ADARB2: variants seen among roughly 807,000 people sequenced by gnomAD.
ADARB2 encodes adenosine deaminase RNA specific B2 (inactive), also known as inactive double-stranded RNA-specific editase B2.
Under a neutral mutation model 62.2 loss-of-function variants are expected in ADARB2, and 25 were observed. The observed-to-expected ratio is 0.40, with a 90% CI of 0.29 to 0.56. ADARB2 has a LOEUF of 0.56. Among genes scored for constraint, ADARB2 ranks in the 20% least tolerant of loss-of-function variants. ADARB2 has a pLI of 0.43. For missense variants in ADARB2, 1,071 were observed against 1,077.4 expected, an observed-to-expected ratio of 0.99 and a Z score of 0.08; for synonymous variants, 572 against 500.8, an observed-to-expected ratio of 1.14 and a Z score of -1.90.
intron 1 of ADARB2, among the ~76,000 whole-genome samples, chr10:1,603,569 C>T (rs949130771): frequency 9.2e-5 from 14 of 152,020 alleles, no homozygotes; most frequent in Admixed American, 3.3e-4. Flanking sequence ...CGAGAGAGCA[C>T]GAGGTGCCCA....
intron 1 of ADARB2, among the ~76,000 whole-genome samples, chr10:1,415,946 AC>A (rs1832797873): frequency 6.6e-6 from 1 of 152,116 alleles, no homozygotes; most frequent in Non-Finnish European, 1.5e-5. Flanking sequence ...TGATTCTACC[AC>A]TCACCAGCCG....
At chr10:1,377,954 T>TCC (rs746353369) in intron 2 of ADARB2, among the ~76,000 whole-genome samples, 1 of 152,160 alleles carries the variant, frequency 6.6e-6, no homozygotes, top group Non-Finnish European at 1.5e-5. Context: ...TGCAGACCCC[T>TCC]CCCACTGCCT....
intron 3 of ADARB2, among the ~76,000 whole-genome samples, chr10:1,278,679 A>T (rs1039783337): frequency 6.6e-6 from 1 of 151,252 alleles, no homozygotes; most frequent in Non-Finnish European, 1.5e-5. Flanking sequence ...ACTCCTTCCT[A>T]GGCCCGAAAG....
At chr10:1,566,130 T>C (rs1346812365) in intron 1 of ADARB2, among the ~76,000 whole-genome samples, 1 of 145,974 alleles carries the variant, frequency 6.9e-6, no homozygotes, top group Non-Finnish European at 1.5e-5. Flanking sequence ...GTACAGTGAG[T>C]GTGTGTGTAT....
intron 1 of ADARB2, among the ~76,000 whole-genome samples, chr10:1,626,015 G>GACGCTAA (rs1833762740): frequency 7.5e-6 from 1 of 133,622 alleles, no homozygotes; most frequent in African/African-American, 2.9e-5. Context: ...CTGGACCTCA[G>GACGCTAA]CTCCTGCATG....
intron 1 of ADARB2, among the ~76,000 whole-genome samples, chr10:1,480,757 T>C (rs958584821): frequency 3.6e-4 from 55 of 151,628 alleles, no homozygotes; most frequent in Middle Eastern, 3.4e-3. Context: ...TACTTAGGGA[T>C]AAACTTAACC....
intron 6 of ADARB2, among the ~76,000 whole-genome samples, chr10:1,227,658 G>A (rs768540364): frequency 1.3e-5 from 2 of 152,118 alleles, no homozygotes. Flanking sequence ...ACAACAAGAG[G>A]TTTGTCCCCT....
chr10:1,471,776 A>G lies in ADARB2; in HGVS notation c.101-92616T>C, dbSNP rs78359951. 2.2e-3 allele frequency among the ~76,000 whole-genome samples: 342 copies of G among 152,200 alleles called. 8 individuals carry two copies. In the East Asian group the frequency reaches 0.04, roughly 18 times the overall value. On this transcript the variant is annotated intron_variant, in intron 1 of 9. Coordinates refer to ENST00000381312, the MANE Select transcript of ADARB2 (RefSeq NM_018702.4). Reference sequence around the variant, plus strand: ...GAAATACTTTTGCATCCTAATTCTGATATTTGCTACTTTATGTGTGCTTCC... The same window carrying G: ...GAAATACTTTTGCATCCTAATTCTGGTATTTGCTACTTTATGTGTGCTTCC...
At chr10:1,519,267 G>A (rs934126663) in intron 1 of ADARB2, among the ~76,000 whole-genome samples, 3 of 149,084 alleles carry the variant, frequency 2.0e-5, no homozygotes, top group African/African-American at 2.4e-5. Flanking sequence ...TGCATGTGGT[G>A]TGGTCATACA....
chr10:1,682,984 G>A (rs1165171788), intron 1 of ADARB2, among the ~76,000 whole-genome samples: 2 of 152,118 alleles, frequency 1.3e-5, no homozygotes, highest in Non-Finnish European at 1.5e-5. Context: ...CGCGGAGGTG[G>A]GCTAAGAAGC....
At chr10:1,208,289 C>G (rs1280860064) in intron 7 of ADARB2, among the ~76,000 whole-genome samples, 1 of 152,228 alleles carries the variant, frequency 6.6e-6, no homozygotes, top group African/African-American at 2.4e-5. Context: ...TGGCTTGAAA[C>G]AGGGATGTTC....
At chr10:1,519,133 C>T (rs1458662104) in intron 1 of ADARB2, among the ~76,000 whole-genome samples, 2 of 151,780 alleles carry the variant, frequency 1.3e-5, no homozygotes, top group Non-Finnish European at 2.9e-5. Flanking sequence ...CGTGTAATGT[C>T]TGCATGTGAT....
Position 1,636,942 on chromosome 10 carries a change from A to G in ADARB2, c.100+100109T>C, listed in dbSNP as rs1299345990. Among the ~76,000 whole-genome samples, 3 of 150,738 alleles carry G rather than the reference A, an allele frequency of 2.0e-5. No individual in the cohort carries two copies. The Admixed American group carries it at 2.0e-4, about 10-fold the overall frequency. The stretch of plus-strand genomic sequence containing the variant: ...ATATATAATATCTCTCTCTATATAT[A>G]AAATTTCCAACCAACACTTTTGGGT... On this transcript the variant is annotated intron_variant, in intron 1 of 9. Transcript: ENST00000381312.
At chr10:1,445,905 T>A (rs1200611020) in intron 1 of ADARB2, among the ~76,000 whole-genome samples, 1 of 152,200 alleles carries the variant, frequency 6.6e-6, no homozygotes, top group South Asian at 2.1e-4. Flanking sequence ...AGTGGGTCAT[T>A]CAATATTTTA....
At chr10:1,524,280 T>A (rs12415287) in intron 1 of ADARB2, among the ~76,000 whole-genome samples, 2,149 of 152,338 alleles carry the variant, frequency 0.014, 101 homozygotes, top group East Asian at 0.13. Flanking sequence ...CACAGGTGTT[T>A]TGATGCCTAT....
intron 1 of ADARB2, among the ~76,000 whole-genome samples, chr10:1,484,525 G>T (rs1365809520): frequency 6.6e-6 from 1 of 152,198 alleles, no homozygotes; most frequent in Admixed American, 6.5e-5. Flanking sequence ...TGGGTGGAAC[G>T]TAAGGAATGG....
chr10:1,670,463 T>A (rs1055175519), intron 1 of ADARB2, among the ~76,000 whole-genome samples: 2 of 152,240 alleles, frequency 1.3e-5, no homozygotes, highest in Non-Finnish European at 2.9e-5. Context: ...ATTTTGGCTA[T>A]TGGCTTCCCT....
intron 3 of ADARB2, among the ~76,000 whole-genome samples, chr10:1,348,753 G>A (rs1430577735): frequency 3.9e-5 from 6 of 152,198 alleles, no homozygotes; most frequent in Admixed American, 3.3e-4. Context: ...CTGAGACTGT[G>A]TGAGGATGGC....
At chr10:1,603,714 T>A (rs1343635524) in intron 1 of ADARB2, among the ~76,000 whole-genome samples, 2 of 152,064 alleles carry the variant, frequency 1.3e-5, no homozygotes, top group Non-Finnish European at 2.9e-5. Context: ...TTTTACCATT[T>A]TCAAATTTTA....
Sources: gnomAD v4.1 joint callset for allele counts (sites outside exome capture counted in the v4.1 genomes callset) on GRCh38, gnomAD v4.1.1 for gene constraint, MANE v1.5 for transcripts, NCBI Gene and HGNC (gene_info 2026-07-23, HGNC 2026-07-21) for gene names.